DUS2: variants seen among roughly 807,000 people sequenced by gnomAD.
DUS2 encodes dihydrouridine synthase 2, also known as tRNA-dihydrouridine(20) synthase [NAD(P)+]-like.
In DUS2, 52 loss-of-function variants were observed where a neutral mutation model predicts 71.3. The ratio of observed to expected loss-of-function variants is 0.73; its 90% CI spans 0.58 to 0.92. The LOEUF is 0.92. DUS2 is among the 40% of genes least tolerant of loss of function. The pLI, the probability that DUS2 is intolerant of heterozygous loss-of-function variation, is 0.00. For synonymous variants in DUS2, 204 were observed against 227.8 expected, an observed-to-expected ratio of 0.90 and a Z score of 0.94; for missense variants, 558 against 622.6, an observed-to-expected ratio of 0.90 and a Z score of 1.10.
chr16:68,065,530 C>T (rs977194576), intron 8 of DUS2, among the ~76,000 whole-genome samples: 1 of 152,068 alleles, frequency 6.6e-6, no homozygotes, highest in South Asian at 2.1e-4. Context: ...ACTCTGGAGG[C>T]TGAAGTGGGA....
At chr16:68,036,521 T>G (rs1221354764) in intron 2 of DUS2, among the ~76,000 whole-genome samples, 1 of 152,100 alleles carries the variant, frequency 6.6e-6, no homozygotes. Context: ...GTCAGGCTGA[T>G]CTGGAACTCC....
In DUS2 at chr16:68,066,625, A is replaced by G. The variant is rs1394244704; in HGVS notation, c.543A>G (p.Ala181=). ...AGAGGACTGGCATTGCTGCCATCGCAGTTCATGGGAGGTGAGTGGTCACCT... is the reference window on the plus strand; with the variant it reads ...AGAGGACTGGCATTGCTGCCATCGCGGTTCATGGGAGGTGAGTGGTCACCT... ...RIERTGIAAI[A]VHGRKREERP... Residue 181 remains alanine (A), a synonymous_variant, in exon 10 of 17, where the codon GCA becomes GCG. Transcript: ENST00000565263. 1 of 1,614,102 alleles carries G rather than the reference A, an allele frequency of 6.2e-7. No individual in the cohort carries two copies. Among genetic ancestry groups the G allele is most frequent in the Admixed American group, 1.7e-5 (1 of 60,030 alleles).
rs1244240364 is a variant in DUS2, at chr16:68,076,739, C to T, written c.1170+20C>T. ...GAAACGGTGAGTTCCTGGCTGTGGC[C>T]TGCCCTGCAGCCAGTCACAGCACTC... On this transcript the variant is annotated intron_variant, in intron 15 of 16. Transcript: ENST00000565263. The T allele has an allele frequency of 1.9e-6, 3 of 1,599,288 alleles. No homozygotes were observed. The African/African-American group carries it at 4.0e-5, about 21-fold the overall frequency.
chr16:68,048,743 A>G (rs909799599), intron 3 of DUS2, among the ~76,000 whole-genome samples: 1 of 152,114 alleles, frequency 6.6e-6, no homozygotes, highest in African/African-American at 2.4e-5. Context: ...GGGGGTTAGT[A>G]CCAGGAGTAA....
intron 8 of DUS2, 146 bp downstream of exon 8, chr16:68,061,259 C>T: frequency 1.2e-6 from 1 of 826,476 alleles, no homozygotes; most frequent in Non-Finnish European, 1.9e-6. Flanking sequence ...AAAAATTTTC[C>T]AGTGATTTTG....
chr16:68,069,957 A>C (rs879409804), intron 10 of DUS2, among the ~76,000 whole-genome samples, 177 bp from the exon 11 acceptor site: 14 of 152,114 alleles, frequency 9.2e-5, no homozygotes, highest in Admixed American at 9.2e-4. Context: ...TGCCCCTCAC[A>C]GTTCTCCAGA....
intron 15 of DUS2, among the ~76,000 whole-genome samples, 194 bp downstream of exon 15, chr16:68,076,913 CTTT>C (rs113367225): frequency 2.1e-5 from 3 of 142,116 alleles, no homozygotes; most frequent in African/African-American, 2.6e-5. Flanking sequence ...AGACATCTCT[CTTT>C]TTTTTTTTTT....
rs749816239 is a variant in DUS2, at chr16:68,075,377, T to C, written c.955T>C (p.Phe319Leu). ...EICEAFGLGA[F>L]YEETTQELDA... is the part of the protein sequence containing the mutation. Reference sequence around the variant, plus strand: ...TAGTGAGGCCTTTGGCCTTGGTGCCTTCTATGAGGAGACCACACAGGAGCT... The same window carrying C: ...TAGTGAGGCCTTTGGCCTTGGTGCCCTCTATGAGGAGACCACACAGGAGCT... The change falls in exon 14 of 17, where the codon TTC becomes CTC. Residue 319 changes from phenylalanine to leucine, a missense_variant. Physicochemically the swap from Phe to Leu is conservative, Grantham distance 22 (BLOSUM62 0). Transcript: ENST00000565263. 4.3e-6 allele frequency: 7 copies of C among 1,610,734 alleles called. No homozygotes were observed. The African/African-American group carries it at 9.3e-5, about 22-fold the overall frequency.
At position 68,074,231 on chromosome 16, in the gene DUS2, C is replaced by T. The variant is rs1461161711; in HGVS notation, c.932+76C>T. 3.8e-6 allele frequency: 6 copies of T among 1,566,832 alleles called. No homozygotes were observed. The East Asian group carries it at 9.0e-5, about 24-fold the overall frequency. On this transcript the variant is annotated intron_variant, in intron 13 of 16. Coordinates refer to ENST00000565263, the MANE Select transcript of DUS2 (RefSeq NM_017803.5). ...TTGACTTTGAGCCCTAAGCTGACTCCACCAGGGGACCAGGGACACAGCTTC... is the reference window on the plus strand; with the variant it reads ...TTGACTTTGAGCCCTAAGCTGACTCTACCAGGGGACCAGGGACACAGCTTC...
At chr16:68,049,459 A>G (rs1170261847) in intron 3 of DUS2, 46 bp from the exon 4 acceptor site, 1 of 1,605,164 alleles carries the variant, frequency 6.2e-7, no homozygotes, top group Non-Finnish European at 8.5e-7. Flanking sequence ...TCATGCCCAG[A>G]GCCTACATGT....
At chr16:68,033,785 C>G (rs2033476792) in intron 2 of DUS2, among the ~76,000 whole-genome samples, 1 of 151,878 alleles carries the variant, frequency 6.6e-6, no homozygotes, top group African/African-American at 2.4e-5. Context: ...GCGCATGCCA[C>G]CACGTCTGGC....
At chr16:68,051,750 C>G (rs754711233) in intron 4 of DUS2, among the ~76,000 whole-genome samples, 2 of 152,086 alleles carry the variant, frequency 1.3e-5, no homozygotes, top group Admixed American at 6.6e-5. Context: ...TAACATTGAA[C>G]CCACTAACAT....
intron 3 of DUS2, among the ~76,000 whole-genome samples, chr16:68,039,580 G>A (rs1434924994): frequency 6.6e-6 from 1 of 152,028 alleles, no homozygotes; most frequent in Non-Finnish European, 1.5e-5. Flanking sequence ...CACCACGCCT[G>A]GCTAATTTCT....
chr16:68,035,513 A>G (rs7204208), intron 2 of DUS2, among the ~76,000 whole-genome samples: 35,667 of 149,388 alleles, frequency 0.24, 4,868 homozygotes, highest in African/African-American at 0.37. Flanking sequence ...CTTCCAAATT[A>G]CTCTGACCAT....
At chr16:68,040,326 A>C (rs2033604066) in intron 3 of DUS2, among the ~76,000 whole-genome samples, 2 of 151,832 alleles carry the variant, frequency 1.3e-5, no homozygotes, top group South Asian at 4.2e-4. Flanking sequence ...CAGGTAATCC[A>C]CCTGCCTTGG....
intron 8 of DUS2, among the ~76,000 whole-genome samples, chr16:68,064,638 T>TC (rs2033981596): frequency 1.3e-5 from 2 of 152,078 alleles, no homozygotes; most frequent in Non-Finnish European, 2.9e-5. Flanking sequence ...AACCTGTCAG[T>TC]CCCGCCCTTA....
intron 3 of DUS2, among the ~76,000 whole-genome samples, chr16:68,047,942 G>A (rs544673641): frequency 1.2e-3 from 186 of 151,980 alleles, no homozygotes; most frequent in African/African-American, 4.2e-3. Context: ...CACCACGCCC[G>A]GCTAATTTTT....
At chr16:68,067,906 T>C (rs2034032408) in intron 10 of DUS2, among the ~76,000 whole-genome samples, 1 of 152,098 alleles carries the variant, frequency 6.6e-6, no homozygotes, top group Non-Finnish European at 1.5e-5. Flanking sequence ...GTGATCCTCC[T>C]GCCTCAGCCC....
chr16:68,047,348 C>T (rs1307489606), intron 3 of DUS2, among the ~76,000 whole-genome samples: 1 of 152,004 alleles, frequency 6.6e-6, no homozygotes, highest in Non-Finnish European at 1.5e-5. Flanking sequence ...GCTGCCGCGT[C>T]TGGCCTCTCT....
Sources: gnomAD v4.1 joint callset for allele counts (sites outside exome capture counted in the v4.1 genomes callset) on GRCh38, gnomAD v4.1.1 for gene constraint, MANE v1.5 for transcripts, NCBI Gene and HGNC (gene_info 2026-07-23, HGNC 2026-07-21) for gene names.